Variants in TENM4 observed in about 807,000 individuals in gnomAD.
TENM4 encodes the protein teneurin transmembrane protein 4.
A neutral mutation model predicts 243.3 loss-of-function variants in TENM4; 82 were observed. The observed-to-expected ratio is 0.34, with a 90% CI of 0.28 to 0.40. TENM4 has a LOEUF of 0.40. Among genes scored for constraint, TENM4 ranks in the 10% least tolerant of loss-of-function variants. The probability of loss-of-function intolerance (pLI) is 1.00; values close to 1 mark genes in which losing one functional copy is unlikely to be tolerated. For missense variants in TENM4, 3,138 were observed against 3,673.3 expected, an observed-to-expected ratio of 0.85 and a Z score of 3.77; for synonymous variants, 1,412 against 1,456.3, an observed-to-expected ratio of 0.97 and a Z score of 0.69.
At chr11:78,822,673 C>A (rs1386782752) in intron 12 of TENM4, among the ~76,000 whole-genome samples, 1 of 151,940 alleles carries the variant, frequency 6.6e-6, no homozygotes, top group African/African-American at 2.4e-5. Flanking sequence ...CCATGGCACA[C>A]GTTTACCTAT....
chr11:79,178,034 G>A (rs991163979), intron 3 of TENM4, among the ~76,000 whole-genome samples: 2 of 152,194 alleles, frequency 1.3e-5, no homozygotes, highest in Non-Finnish European at 2.9e-5. Context: ...TGGCCAAGGT[G>A]AGGGTGTGAA....
intron 6 of TENM4, among the ~76,000 whole-genome samples, chr11:79,000,334 C>T (rs887148084): frequency 1.1e-4 from 16 of 152,232 alleles, no homozygotes; most frequent in African/African-American, 3.1e-4. Flanking sequence ...AAAATACACA[C>T]ATTAATAAAA....
chr11:78,745,177 C>T (rs114411882), intron 19 of TENM4, among the ~76,000 whole-genome samples: 1,894 of 151,680 alleles, frequency 0.012, 59 homozygotes, highest in African/African-American at 0.044. Context: ...CACAATAATA[C>T]ACAACAAACC....
At chr11:79,228,623 A>T (rs1864318591) in intron 2 of TENM4, among the ~76,000 whole-genome samples, 3 of 152,152 alleles carry the variant, frequency 2.0e-5, no homozygotes, top group Middle Eastern at 6.8e-3. Flanking sequence ...CAAGTTGGAA[A>T]ACAAAGAGTC....
intron 28 of TENM4, among the ~76,000 whole-genome samples, chr11:78,699,679 A>T (rs987359877): frequency 2.6e-5 from 4 of 152,242 alleles, no homozygotes; most frequent in African/African-American, 9.6e-5. Flanking sequence ...CTTCTTCACT[A>T]AACATCAACT....
At chr11:79,062,829 C>T (rs1389862959) in intron 6 of TENM4, among the ~76,000 whole-genome samples, 2 of 152,160 alleles carry the variant, frequency 1.3e-5, no homozygotes, top group East Asian at 3.8e-4. Flanking sequence ...CTGCACTGCC[C>T]TTCAATTTAA....
intron 12 of TENM4, among the ~76,000 whole-genome samples, chr11:78,842,865 T>C (rs1043801452): frequency 3.9e-5 from 6 of 152,228 alleles, no homozygotes; most frequent in Admixed American, 6.5e-5. Flanking sequence ...CATATGCCTA[T>C]TGTAAAGGTT....
chr11:78,711,148 T>C (rs1418536584), intron 26 of TENM4, among the ~76,000 whole-genome samples: 1 of 152,170 alleles, frequency 6.6e-6, no homozygotes, highest in Non-Finnish European at 1.5e-5. Flanking sequence ...AAAATCATAA[T>C]TAGGCGGGAT....
intron 7 of TENM4, among the ~76,000 whole-genome samples, chr11:78,899,434 G>A (rs914159112): frequency 1.3e-5 from 2 of 151,778 alleles, no homozygotes; most frequent in Non-Finnish European, 2.9e-5. Context: ...AATCAGCTGG[G>A]CATGGGGGTG....
intron 1 of TENM4, among the ~76,000 whole-genome samples, chr11:79,413,950 G>T (rs763350586): frequency 4.6e-5 from 7 of 151,996 alleles, no homozygotes; most frequent in Admixed American, 6.5e-5. Flanking sequence ...GAAAAAGAAA[G>T]ATCAATTCCT....
chr11:78,795,461 A>G (rs891140484), intron 15 of TENM4, among the ~76,000 whole-genome samples: 7 of 152,206 alleles, frequency 4.6e-5, no homozygotes, highest in African/African-American at 1.7e-4. Flanking sequence ...TGAAACAAAT[A>G]CTGCACACCT....
chr11:78,933,595 G>C (rs1430422118), intron 6 of TENM4, among the ~76,000 whole-genome samples: 1 of 152,160 alleles, frequency 6.6e-6, no homozygotes, highest in East Asian at 1.9e-4. Flanking sequence ...ATGAGATTCT[G>C]CAACATCTAA....
intron 6 of TENM4, among the ~76,000 whole-genome samples, chr11:79,059,381 G>C (rs1860029786): frequency 6.6e-6 from 1 of 152,114 alleles, no homozygotes; most frequent in Admixed American, 6.5e-5. Context: ...TGCATAACAT[G>C]AGTGGAATGA....
At chr11:78,931,087 C>T (rs535378408) in intron 6 of TENM4, among the ~76,000 whole-genome samples, 76 of 152,280 alleles carry the variant, frequency 5.0e-4, no homozygotes, top group South Asian at 3.5e-3. Context: ...TCTTCCCCGG[C>T]CTGTTAACTC....
At chr11:79,140,392 T>A (rs1159376359) in intron 4 of TENM4, among the ~76,000 whole-genome samples, 1 of 152,122 alleles carries the variant, frequency 6.6e-6, no homozygotes, top group Non-Finnish European at 1.5e-5. Flanking sequence ...CTCACCTATT[T>A]ACCTGAGTGG....
intron 3 of TENM4, among the ~76,000 whole-genome samples, chr11:79,180,026 T>G (rs1863250414): frequency 6.6e-6 from 1 of 151,750 alleles, no homozygotes; most frequent in Non-Finnish European, 1.5e-5. Flanking sequence ...AAACCTAAGG[T>G]CTGGGCTTGC....
chr11:79,177,058 C>T (rs566820975), intron 3 of TENM4, among the ~76,000 whole-genome samples: 18 of 152,194 alleles, frequency 1.2e-4, no homozygotes, highest in African/African-American at 3.4e-4. Flanking sequence ...CAGACATGAC[C>T]GTGCCACTTA....
At chr11:78,918,660 C>G (rs1856376497) in intron 6 of TENM4, among the ~76,000 whole-genome samples, 3 of 152,184 alleles carry the variant, frequency 2.0e-5, no homozygotes. Context: ...GCTGACACCA[C>G]TGAAGGGGTG....
At chr11:78,676,090 C>T in intron 30 of TENM4, 62 bp downstream of exon 30, 1 of 1,388,778 alleles carries the variant, frequency 7.2e-7, no homozygotes, top group Middle Eastern at 2.7e-4. Context: ...GAACAGAGCC[C>T]CGTTCTCCCG....
Sources: allele counts gnomAD v4.1 joint callset (sites outside exome capture counted in the v4.1 genomes callset), GRCh38; gene constraint gnomAD v4.1.1; transcripts MANE v1.5; gene names NCBI Gene and HGNC (gene_info 2026-07-23, HGNC 2026-07-21).